Variants in GPR141 observed in about 807,000 individuals in gnomAD.
GPR141 encodes probable G protein-coupled receptor 141.
GPR141 carries 6 observed loss-of-function variants against 6.8 expected under a neutral mutation model. The ratio of observed to expected loss-of-function variants is 0.88; its 90% confidence interval spans 0.48 to 1.74. The LOEUF is 1.74. Ranked by LOEUF, GPR141 falls within the 40% of genes most tolerant of loss-of-function variation. The probability of loss-of-function intolerance (pLI) is 0.01; values close to 1 mark genes in which losing one functional copy is unlikely to be tolerated. For synonymous variants in GPR141, 140 were observed against 142.3 expected, an observed-to-expected ratio of 0.98 and a Z score of 0.11; for missense variants, 372 against 372.9, an observed-to-expected ratio of 1.00 and a Z score of 0.02.
intron 2 of GPR141, among the ~76,000 whole-genome samples, chr7:37,715,833 G>A (rs893977491): frequency 3.3e-5 from 5 of 152,142 alleles, no homozygotes; most frequent in Admixed American, 2.6e-4. Context: ...TTTGTAGGCC[G>A]CCAATGCACA....
chr7:37,733,701 G>GA lies in GPR141; in HGVS notation c.-14-6670dup, dbSNP rs981250756. On this transcript the variant is annotated intron_variant, in intron 2 of 2. Transcript: ENST00000334425. ...AAAAAAAAAAAAAGAAAAAAGAAAA[G>GA]AAAAAAAAAGTATTGCTAGGATTAG... Among the ~76,000 whole-genome samples the GA allele has an allele frequency of 1.2e-4, 17 of 144,584 alleles. No homozygotes were observed. In the South Asian group the frequency reaches 2.0e-3, roughly 17 times the overall value. The allele number at this position is 144,584 out of a possible 152,430, so 94.9% of individuals were successfully genotyped here. A position where few individuals can be genotyped will look rare whatever the true frequency, so the allele number is the denominator to read the frequency against.
intron 2 of GPR141, among the ~76,000 whole-genome samples, chr7:37,732,985 TG>T (rs1259450446): frequency 1.3e-5 from 2 of 152,146 alleles, no homozygotes; most frequent in Non-Finnish European, 2.9e-5. Flanking sequence ...GTCAGGCAGA[TG>T]GGTTTGCCTG....
intron 2 of GPR141, among the ~76,000 whole-genome samples, chr7:37,730,507 G>A (rs1021101335): frequency 4.6e-5 from 7 of 152,178 alleles, no homozygotes; most frequent in Non-Finnish European, 7.4e-5. Context: ...AGAGCTTTTC[G>A]TTTGATCAGA....
At chr7:37,708,310 CAAAAAAAAAAAAAA>C (rs66783277) in intron 2 of GPR141, among the ~76,000 whole-genome samples, 4 of 59,778 alleles carry the variant, frequency 6.7e-5, no homozygotes, top group Non-Finnish European at 8.4e-5. Flanking sequence ...AAATTGCTGG[CAAAAAAAAAAAAAA>C]AAAAAAAAAA....
intron 2 of GPR141, among the ~76,000 whole-genome samples, chr7:37,701,540 T>G (rs1810277806): frequency 6.6e-6 from 1 of 152,236 alleles, no homozygotes; most frequent in Non-Finnish European, 1.5e-5. Context: ...GTAAATATTT[T>G]TTTAGTACAA....
At chr7:37,707,094 ACTGTAGTCAGAGC>A (rs1810559349) in intron 2 of GPR141, among the ~76,000 whole-genome samples, 1 of 152,086 alleles carries the variant, frequency 6.6e-6, no homozygotes, top group African/African-American at 2.4e-5. Context: ...GCCAGACAGA[ACTGTAGTCAGAGC>A]CTTGTGGGAT....
At chr7:37,710,090 C>G (rs1280539936) in intron 2 of GPR141, among the ~76,000 whole-genome samples, 1 of 152,116 alleles carries the variant, frequency 6.6e-6, no homozygotes, top group South Asian at 2.1e-4. Context: ...GGAGGATGCC[C>G]CACAGGCAAC....
At chr7:37,725,350 C>CG (rs543287539) in intron 2 of GPR141, among the ~76,000 whole-genome samples, 11 of 152,070 alleles carry the variant, frequency 7.2e-5, no homozygotes, top group Non-Finnish European at 1.6e-4. Context: ...AGGGATGGAG[C>CG]GGGGAGCAAG....
rs556996919 is a variant in GPR141 at position 37,725,815 on chromosome 7, T to A, written c.-14-14565T>A. 3.9e-5 allele frequency among the ~76,000 whole-genome samples: 6 copies of A among 152,224 alleles called. No homozygotes were observed. In the South Asian group the frequency reaches 1.2e-3, roughly 32 times the overall value. On this transcript the variant is annotated intron_variant, in intron 2 of 2. Transcript: ENST00000334425. Reference sequence around the variant, plus strand: ...GACTTTTCATTCTTTTATTTTAAAATATGTCTATTTACCATGTTTGCTTTG... The same window carrying A: ...GACTTTTCATTCTTTTATTTTAAAAAATGTCTATTTACCATGTTTGCTTTG...
chr7:37,729,759 A>C (rs555161772), intron 2 of GPR141, among the ~76,000 whole-genome samples: 62 of 152,318 alleles, frequency 4.1e-4, no homozygotes, highest in African/African-American at 1.5e-3. Context: ...TATTTTGGGA[A>C]GAGAAAGCGC....
chr7:37,740,764 T>C lies in GPR141; in HGVS notation c.371T>C (p.Val124Ala). Residue 124 changes from valine (V) to alanine (A), a missense_variant, in exon 3 of 3, where the codon GTG becomes GCG. By Grantham distance (64) the Val-to-Ala change is moderately conservative. Coordinates refer to ENST00000334425, the MANE Select transcript of GPR141 (RefSeq NM_001381946.1). Reference protein sequence around the residue: ...YLIFFKCKDKVEFYRKLHAVA... With the variant: ...YLIFFKCKDKAEFYRKLHAVA... ...ATCTTCTTCAAGTGCAAAGACAAAG[T>C]GGAATTCTACAGAAAACTGCATGCT... 6.2e-7 allele frequency: 1 copy of C among 1,614,128 alleles called. No homozygotes were observed.
At chr7:37,709,996 G>A (rs1408965946) in intron 2 of GPR141, among the ~76,000 whole-genome samples, 1 of 152,190 alleles carries the variant, frequency 6.6e-6, no homozygotes, top group Non-Finnish European at 1.5e-5. Flanking sequence ...TCACAGCATG[G>A]ATTCTCTGTT....
chr7:37,695,259 C>G (rs1014692745), intron 2 of GPR141, among the ~76,000 whole-genome samples: 6 of 152,100 alleles, frequency 3.9e-5, no homozygotes, highest in Non-Finnish European at 7.4e-5. Context: ...GAAGAGGCAC[C>G]CATAGCTCCA....
intron 2 of GPR141, among the ~76,000 whole-genome samples, chr7:37,687,404 C>T (rs949524135): frequency 6.6e-6 from 1 of 152,090 alleles, no homozygotes; most frequent in Non-Finnish European, 1.5e-5. Context: ...CTCACCTCTA[C>T]TCTTGTCATC....
chr7:37,698,456 T>C lies in GPR141; in HGVS notation c.-15+12873T>C, dbSNP rs1810125241. On this transcript the variant is annotated intron_variant, in intron 2 of 2. Coordinates refer to ENST00000334425, the MANE Select transcript of GPR141 (RefSeq NM_001381946.1). ...ACCTGTGTGTAGGGCTTATGACTCA[T>C]TGCGGGGAGGGGAAACACACGCCAT... 2.0e-5 allele frequency among the ~76,000 whole-genome samples: 3 copies of C among 152,266 alleles called. No homozygotes were observed. In the South Asian group the frequency reaches 6.2e-4, roughly 32 times the overall value.
At chr7:37,711,878 G>A (rs545082807) in intron 2 of GPR141, among the ~76,000 whole-genome samples, 3 of 152,306 alleles carry the variant, frequency 2.0e-5, no homozygotes, top group East Asian at 3.9e-4. Context: ...TCGAGTAACG[G>A]CTTCCAGGTT....
chr7:37,708,949 A>G (rs17171137), intron 2 of GPR141, among the ~76,000 whole-genome samples: 12,258 of 152,116 alleles, frequency 0.081, 758 homozygotes, highest in East Asian at 0.29. Flanking sequence ...GTGCTAAATG[A>G]CTCTGAAATG....
At chr7:37,720,329 C>T (rs576883102) in intron 2 of GPR141, among the ~76,000 whole-genome samples, 9 of 152,336 alleles carry the variant, frequency 5.9e-5, no homozygotes, top group East Asian at 3.9e-4. Context: ...TTTACATGGC[C>T]CACCTTGGGC....
Position 37,742,952 on chromosome 7 carries a change from T to C in GPR141, c.*1641T>C, listed in dbSNP as rs1469904580. 2.0e-5 allele frequency among the ~76,000 whole-genome samples: 3 copies of C among 152,174 alleles called. No individual in the cohort carries two copies. Among genetic ancestry groups the C allele is most frequent in the African/African-American group, 7.2e-5 (3 of 41,446 alleles). ...TAATAACTTGTGGCATGTGGCACGT[T>C]AAACTGATTTTATTTCAAGAACTTC... is the stretch of plus-strand genomic sequence containing the variant. On this transcript the variant is annotated 3_prime_UTR_variant, in exon 3 of 3. Coordinates refer to ENST00000334425, the MANE Select transcript of GPR141 (RefSeq NM_001381946.1).
Sources: gnomAD v4.1 joint callset for allele counts (sites outside exome capture counted in the v4.1 genomes callset) on GRCh38, gnomAD v4.1.1 for gene constraint, MANE v1.5 for transcripts, NCBI Gene and HGNC (gene_info 2026-07-23, HGNC 2026-07-21) for gene names.